MYLK: variants seen among roughly 807,000 people sequenced by gnomAD.
MYLK encodes the protein myosin light chain kinase, also known as myosin light chain kinase, smooth muscle.
In MYLK, 106 loss-of-function variants were observed where a neutral mutation model predicts 203.4. The ratio of observed to expected loss-of-function variants is 0.52; its 90% CI spans 0.45 to 0.61. MYLK has a LOEUF of 0.61. Ranked by LOEUF, MYLK falls within the 20% of genes least tolerant of loss-of-function variation. MYLK has a pLI of 0.00. For missense variants in MYLK, 2,072 were observed against 2,442.3 expected, an observed-to-expected ratio of 0.85 and a Z score of 3.20; for synonymous variants, 867 against 959.5, an observed-to-expected ratio of 0.90 and a Z score of 1.78.
chr3:123,799,093 G>A (rs1413480649), intron 3 of MYLK, among the ~76,000 whole-genome samples: 12 of 152,076 alleles, frequency 7.9e-5, no homozygotes, highest in Non-Finnish European at 1.8e-4. Flanking sequence ...CAGATCAAAG[G>A]GGAAACACAG....
At chr3:123,747,613 T>C (rs2063060656) in intron 5 of MYLK, among the ~76,000 whole-genome samples, 1 of 152,212 alleles carries the variant, frequency 6.6e-6, no homozygotes. Flanking sequence ...TGGCATCAAC[T>C]GGCGGCTGGA....
chr3:123,853,592 A>C (rs903522472), intron 2 of MYLK, among the ~76,000 whole-genome samples: 2 of 152,104 alleles, frequency 1.3e-5, no homozygotes, highest in Non-Finnish European at 2.9e-5. Flanking sequence ...TCTCACCACT[A>C]TATGATGGAG....
At chr3:123,672,990 A>T (rs2059962342) in intron 20 of MYLK, among the ~76,000 whole-genome samples, 1 of 152,138 alleles carries the variant, frequency 6.6e-6, no homozygotes, top group South Asian at 2.1e-4. Context: ...ATGGCATCTC[A>T]TAAAAGTCTG....
chr3:123,860,370 G>A (rs1369484175), intron 2 of MYLK, among the ~76,000 whole-genome samples: 2 of 152,232 alleles, frequency 1.3e-5, no homozygotes, highest in Non-Finnish European at 2.9e-5. Flanking sequence ...TCAGGGCACT[G>A]CTGTGTCTCT....
At chr3:123,829,559 ATATAT>A (rs1577084410) in intron 3 of MYLK, among the ~76,000 whole-genome samples, 1 of 152,164 alleles carries the variant, frequency 6.6e-6, no homozygotes, top group African/African-American at 2.4e-5. Flanking sequence ...GTTAACAATA[ATATAT>A]TATATAGTTT....
chr3:123,674,245 A>T (rs551681863), intron 20 of MYLK, among the ~76,000 whole-genome samples: 62 of 152,092 alleles, frequency 4.1e-4, no homozygotes, highest in Admixed American at 2.2e-3. Flanking sequence ...GTCTACACCA[A>T]CTAAGTACCT....
intron 27 of MYLK, among the ~76,000 whole-genome samples, chr3:123,641,711 T>C (rs375254720): frequency 2.7e-5 from 4 of 150,364 alleles, no homozygotes; most frequent in African/African-American, 9.9e-5. Context: ...CCTTCCTTCC[T>C]TCCGTCCTTC....
At chr3:123,623,239 C>A (rs189293587) in intron 31 of MYLK, 1 of 152,266 alleles carries the variant, frequency 6.6e-6, no homozygotes, top group East Asian at 1.9e-4. Context: ...TATACTGAGT[C>A]CAGTGTTTTC....
At chr3:123,786,152 A>T (rs1351514479) in intron 4 of MYLK, among the ~76,000 whole-genome samples, 1 of 151,812 alleles carries the variant, frequency 6.6e-6, no homozygotes, top group Non-Finnish European at 1.5e-5. Context: ...AAAATACAAA[A>T]ATTAGCCGGG....
chr3:123,792,446 C>G (rs886634695), intron 4 of MYLK, among the ~76,000 whole-genome samples: 1 of 152,224 alleles, frequency 6.6e-6, no homozygotes. Flanking sequence ...CACTCCCCAT[C>G]TCTCTTCCCC....
intron 20 of MYLK, among the ~76,000 whole-genome samples, chr3:123,680,063 G>A (rs1345701600): frequency 1.3e-5 from 2 of 152,178 alleles, no homozygotes; most frequent in Admixed American, 6.5e-5. Context: ...GGGGGCAGGG[G>A]AAGCCTGTGC....
chr3:123,757,891 T>C (rs991839553), intron 4 of MYLK, among the ~76,000 whole-genome samples: 1 of 152,264 alleles, frequency 6.6e-6, no homozygotes, highest in East Asian at 1.9e-4. Context: ...AAGTGTTGTT[T>C]CTCCTATGAT....
chr3:123,637,937 C>A, intron 29 of MYLK, 134 bp downstream of exon 29: 2 of 1,359,406 alleles, frequency 1.5e-6, no homozygotes, highest in Non-Finnish European at 2.0e-6. Flanking sequence ...GAGCCTGCCA[C>A]CCTCCTGACT....
chr3:123,782,434 C>G (rs1192442054), intron 4 of MYLK, among the ~76,000 whole-genome samples: 1 of 152,206 alleles, frequency 6.6e-6, no homozygotes, highest in Non-Finnish European at 1.5e-5. Context: ...ACAGAGGAGG[C>G]TCAACTCACA....
At chr3:123,866,345 C>T (rs2032323742) in intron 2 of MYLK, among the ~76,000 whole-genome samples, 1 of 152,116 alleles carries the variant, frequency 6.6e-6, no homozygotes, top group Non-Finnish European at 1.5e-5. Context: ...TGGTACACCC[C>T]CTTTAAATTT....
rs916199007 is a variant in MYLK, at chr3:123,730,759, G to A, written c.1516+2137C>T. Among the ~76,000 whole-genome samples the A allele has an allele frequency of 2.6e-5, 4 of 152,186 alleles. 1 individual carries two copies. Among genetic ancestry groups the A allele is most frequent in the South Asian group, 4.1e-4 (2 of 4,830 alleles). ...TGGCTATCAGGGGTTGTGGGGATGG[G>A]AGAACAGGGAGTGACAGCTAATGGG... On this transcript the variant is annotated intron_variant, in intron 11 of 33. Transcript: ENST00000360304.
chr3:123,847,272 C>T (rs2030138308), intron 2 of MYLK, among the ~76,000 whole-genome samples: 1 of 152,080 alleles, frequency 6.6e-6, no homozygotes, highest in African/African-American at 2.4e-5. Context: ...GATTTTGACA[C>T]CCAAGGGAGG....
intron 3 of MYLK, among the ~76,000 whole-genome samples, chr3:123,822,049 C>T (rs2065955653): frequency 6.6e-6 from 1 of 152,144 alleles, no homozygotes; most frequent in Non-Finnish European, 1.5e-5. Flanking sequence ...AAGTCCAACC[C>T]TCCTCTTGCT....
rs1409335615 is a variant in MYLK at position 123,618,789 on chromosome 3, G to A, written c.5369-19C>T. On this transcript the variant is annotated intron_variant, in intron 32 of 33. Transcript: ENST00000360304. ...ACATCTTCTAGAAGACAGAGAAGAA[G>A]ACCAGGTCATTTCTTCACTCGTTGT... 1 of 1,613,800 alleles carries A rather than the reference G, an allele frequency of 6.2e-7. No individual in the cohort carries two copies. Among genetic ancestry groups the A allele is most frequent in the South Asian group, 1.1e-5 (1 of 91,026 alleles).
Sources: gnomAD v4.1 joint callset for allele counts (sites outside exome capture counted in the v4.1 genomes callset) on GRCh38, gnomAD v4.1.1 for gene constraint, MANE v1.5 for transcripts, NCBI Gene and HGNC (gene_info 2026-07-23, HGNC 2026-07-21) for gene names.